The following ERC2 variants were observed in gnomAD, a reference collection of about 807,000 sequenced individuals.
ERC2 encodes the protein ERC protein 2.
Under a neutral mutation model 114.8 loss-of-function variants are expected in ERC2, and 42 were observed. That is an observed-to-expected ratio of 0.37 (90% CI 0.29 to 0.47). ERC2 has a LOEUF of 0.47. Among genes scored for constraint, ERC2 ranks in the 20% least tolerant of loss-of-function variants. ERC2 has a pLI of 0.99. For synonymous variants in ERC2, 454 were observed against 425.5 expected, an observed-to-expected ratio of 1.07 and a Z score of -0.82; for missense variants, 939 against 1,150.7, an observed-to-expected ratio of 0.82 and a Z score of 2.66.
intron 10 of ERC2, among the ~76,000 whole-genome samples, chr3:55,994,059 C>T (rs1356622656): frequency 6.6e-6 from 1 of 152,094 alleles, no homozygotes; most frequent in African/African-American, 2.4e-5. Flanking sequence ...AAATACACAG[C>T]TTTTAAATTG....
chr3:56,070,018 C>T (rs1199173331), intron 7 of ERC2, among the ~76,000 whole-genome samples: 1 of 152,186 alleles, frequency 6.6e-6, no homozygotes, highest in Admixed American at 6.5e-5. Flanking sequence ...CACAAGAACA[C>T]ATTACCCTTA....
At chr3:56,037,806 G>A (rs1193613069) in intron 7 of ERC2, among the ~76,000 whole-genome samples, 3 of 152,086 alleles carry the variant, frequency 2.0e-5, no homozygotes, top group Non-Finnish European at 2.9e-5. Flanking sequence ...CAGAGAGAAA[G>A]GTCAAGTCAC....
chr3:56,099,447 T>C (rs959380043), intron 6 of ERC2, among the ~76,000 whole-genome samples: 4 of 152,206 alleles, frequency 2.6e-5, no homozygotes, highest in Admixed American at 2.0e-4. Context: ...CGTCCCTGCA[T>C]TTCAGAGGCT....
At chr3:55,704,272 A>T (rs62249278) in intron 15 of ERC2, among the ~76,000 whole-genome samples, 13,948 of 152,260 alleles carry the variant, frequency 0.092, 1,322 homozygotes, top group African/African-American at 0.24. Flanking sequence ...AAACACATTG[A>T]ATTAAAACTG....
At chr3:55,963,268 C>T (rs2068517986) in intron 12 of ERC2, among the ~76,000 whole-genome samples, 1 of 152,210 alleles carries the variant, frequency 6.6e-6, no homozygotes, top group Non-Finnish European at 1.5e-5. Flanking sequence ...GATATAGCCC[C>T]AAAAGCAGAA....
At chr3:56,287,965 T>C (rs1158979468) in intron 3 of ERC2, among the ~76,000 whole-genome samples, 1 of 152,216 alleles carries the variant, frequency 6.6e-6, no homozygotes, top group East Asian at 1.9e-4. Context: ...CATCACTGCT[T>C]AATTTCTCTG....
chr3:56,124,741 CGAG>C (rs2079780012), intron 6 of ERC2, among the ~76,000 whole-genome samples: 1 of 152,012 alleles, frequency 6.6e-6, no homozygotes, highest in Non-Finnish European at 1.5e-5. Context: ...CTAGAGATGA[CGAG>C]CACCAACAGG....
chr3:56,382,674 T>C (rs1214313681), intron 2 of ERC2, among the ~76,000 whole-genome samples: 1 of 152,194 alleles, frequency 6.6e-6, no homozygotes, highest in Admixed American at 6.5e-5. Flanking sequence ...ACTCAACCTC[T>C]TAATGTTGCA....
intron 2 of ERC2, among the ~76,000 whole-genome samples, chr3:56,297,690 C>CTAA (rs1560544247): frequency 1.3e-5 from 2 of 152,208 alleles, no homozygotes; most frequent in African/African-American, 4.8e-5. Flanking sequence ...GAACACAGTG[C>CTAA]TAAGCACAGG....
intron 2 of ERC2, among the ~76,000 whole-genome samples, chr3:56,348,441 A>G (rs2058390902): frequency 6.6e-6 from 1 of 151,746 alleles, no homozygotes; most frequent in South Asian, 2.1e-4. Context: ...TGCTGTCTAG[A>G]TGCTAGATCT....
chr3:56,299,276 C>T (rs1276485980), intron 2 of ERC2, among the ~76,000 whole-genome samples: 2 of 151,110 alleles, frequency 1.3e-5, no homozygotes, highest in African/African-American at 2.4e-5. Flanking sequence ...TACAGGTGCC[C>T]GCCATCACGC....
At position 55,609,231 on chromosome 3, in the gene ERC2, A is replaced by G. The variant is rs143025425; in HGVS notation, c.*39+74563T>C. ...CCCCAATTTCCCTTTGAGGCAACAC[A>G]TTTGCCCCCACTTTTATTTAATTCA... is the stretch of plus-strand genomic sequence containing the variant. On this transcript the variant is annotated intron_variant, in intron 17 of 17. Transcript: ENST00000288221. Among the ~76,000 whole-genome samples the G allele has an allele frequency of 3.4e-4, 52 of 152,248 alleles. 1 individual carries two copies. In the East Asian group the frequency reaches 9.7e-3, roughly 28 times the overall value.
chr3:55,635,547 C>T (rs2059926150), intron 17 of ERC2, among the ~76,000 whole-genome samples: 1 of 151,852 alleles, frequency 6.6e-6, no homozygotes, highest in Admixed American at 6.6e-5. Flanking sequence ...TCCGCCACCA[C>T]TCCTGGCTAA....
At chr3:55,931,812 TG>T (rs900094301) in intron 13 of ERC2, among the ~76,000 whole-genome samples, 3 of 152,140 alleles carry the variant, frequency 2.0e-5, no homozygotes, top group African/African-American at 7.2e-5. Context: ...GGAGAGGTTC[TG>T]GGGTAACTAA....
chr3:56,212,562 T>A (rs559115309), intron 3 of ERC2, among the ~76,000 whole-genome samples: 48 of 152,272 alleles, frequency 3.2e-4, no homozygotes, highest in African/African-American at 1.1e-3. Context: ...CTTAAAGAAC[T>A]AAAAGTAAAT....
At chr3:56,368,772 C>T (rs145730379) in intron 2 of ERC2, among the ~76,000 whole-genome samples, 119 of 151,792 alleles carry the variant, frequency 7.8e-4, no homozygotes, top group Middle Eastern at 3.4e-3. Context: ...CCCACAACAT[C>T]GTCCTAAATA....
intron 2 of ERC2, among the ~76,000 whole-genome samples, chr3:56,340,086 A>G (rs769787796): frequency 6.6e-6 from 1 of 152,230 alleles, no homozygotes; most frequent in Non-Finnish European, 1.5e-5. Flanking sequence ...AAGTAATTAA[A>G]TCCTATGATT....
intron 7 of ERC2, among the ~76,000 whole-genome samples, chr3:56,056,952 C>T (rs2076042538): frequency 6.6e-6 from 1 of 152,098 alleles, no homozygotes; most frequent in Non-Finnish European, 1.5e-5. Flanking sequence ...ATGTTCATTA[C>T]AGATATGGGG....
chr3:56,453,874 G>A (rs963522734), intron 1 of ERC2, among the ~76,000 whole-genome samples: 1 of 152,126 alleles, frequency 6.6e-6, no homozygotes, highest in Admixed American at 6.5e-5. Flanking sequence ...GAATGCCAGC[G>A]AGCATCAATG....
Sources: gnomAD v4.1 joint callset for allele counts (sites outside exome capture counted in the v4.1 genomes callset) on GRCh38, gnomAD v4.1.1 for gene constraint, MANE v1.5 for transcripts, NCBI Gene and HGNC (gene_info 2026-07-23, HGNC 2026-07-21) for gene names.